Variants in KAT2B observed in about 807,000 individuals in gnomAD.
KAT2B encodes the protein histone acetyltransferase KAT2B.
Under a neutral mutation model 105.9 loss-of-function variants are expected in KAT2B, and 36 were observed. That is an observed-to-expected ratio of 0.34 (90% CI 0.26 to 0.45). The LOEUF is 0.45. Among genes scored for constraint, KAT2B ranks in the 20% least tolerant of loss-of-function variants. The pLI is 1.00. For synonymous variants in KAT2B, 397 were observed against 377.9 expected, an observed-to-expected ratio of 1.05 and a Z score of -0.59; for missense variants, 820 against 1,021.6, an observed-to-expected ratio of 0.80 and a Z score of 2.69.
intron 1 of KAT2B, among the ~76,000 whole-genome samples, chr3:20,063,143 T>C (rs1039925498): frequency 3.3e-5 from 5 of 151,924 alleles, no homozygotes; most frequent in African/African-American, 4.8e-5. Flanking sequence ...TCATGGCCCA[T>C]TGCTGCCTCG....
chr3:20,153,432 TTTCTA>T lies in KAT2B; in HGVS notation c.*909_*913del, dbSNP rs1479518878. The T allele has an allele frequency of 1.3e-5, 2 of 152,536 alleles. No homozygotes were observed. Among genetic ancestry groups the T allele is most frequent in the Non-Finnish European group, 2.9e-5 (2 of 67,980 alleles). The allele number at this position is 152,536 out of a possible 1,614,324, so 9.4% of individuals were successfully genotyped here. ...TCGTTCTAATAAAGGTTCTTTTTCT[TTTCTA>T]TGATACACACAGCCACGCTGATAAT... is the stretch of plus-strand genomic sequence containing the variant. On this transcript the variant is annotated 3_prime_UTR_variant, in exon 18 of 18. Transcript: ENST00000263754.
intron 5 of KAT2B, among the ~76,000 whole-genome samples, chr3:20,104,890 G>GTT (rs60864750): frequency 1.4e-5 from 2 of 143,624 alleles, no homozygotes; most frequent in Non-Finnish European, 3.1e-5. Flanking sequence ...TTGTTTTTTT[G>GTT]TTTTTTTTTT....
chr3:20,055,918 A>T (rs1396939852), intron 1 of KAT2B, among the ~76,000 whole-genome samples: 1 of 151,954 alleles, frequency 6.6e-6, no homozygotes, highest in Non-Finnish European at 1.5e-5. Context: ...CTGTTCTTTC[A>T]CTCAGTATAT....
intron 2 of KAT2B, among the ~76,000 whole-genome samples, chr3:20,075,791 T>C (rs1449847466): frequency 6.6e-6 from 1 of 151,128 alleles, no homozygotes; most frequent in Non-Finnish European, 1.5e-5. Flanking sequence ...CTTGAGCCTG[T>C]AATCCCAGCT....
At chr3:20,067,659 C>A (rs7633812) in intron 1 of KAT2B, among the ~76,000 whole-genome samples, 41,946 of 151,878 alleles carry the variant, frequency 0.28, 5,819 homozygotes, top group Middle Eastern at 0.3. Flanking sequence ...TGAATTCTTT[C>A]TTTATTTATT....
In KAT2B at chr3:20,093,491, T is replaced by C. The variant is rs537325719; in HGVS notation, c.431-1772T>C. Among the ~76,000 whole-genome samples, 3 of 151,558 alleles carry C rather than the reference T, an allele frequency of 2.0e-5. No individual in the cohort carries two copies. The South Asian group carries it at 6.3e-4, about 32-fold the overall frequency. On this transcript the variant is annotated intron_variant, in intron 2 of 17. Coordinates refer to ENST00000263754, the MANE Select transcript of KAT2B (RefSeq NM_003884.5). ...GCTGCTGGTAGTTGGAAACCAAGAG[T>C]TGTGGTAAGGAGGGGGGATATATAG...
chr3:20,079,971 G>A (rs79411532), intron 2 of KAT2B, among the ~76,000 whole-genome samples: 1,734 of 152,250 alleles, frequency 0.011, 35 homozygotes, highest in African/African-American at 0.039. Context: ...ACGTCCTCTG[G>A]TCATGAAATC....
intron 3 of KAT2B, among the ~76,000 whole-genome samples, chr3:20,096,219 T>C (rs1270020055): frequency 6.6e-6 from 1 of 152,164 alleles, no homozygotes; most frequent in African/African-American, 2.4e-5. Flanking sequence ...TTAGCCACTG[T>C]TACCTGTTTC....
chr3:20,061,846 T>A (rs1315314512), intron 1 of KAT2B, among the ~76,000 whole-genome samples: 4 of 126,600 alleles, frequency 3.2e-5, no homozygotes, highest in East Asian at 2.3e-4. Flanking sequence ...ATACATAAAA[T>A]ATATATAATA....
intron 1 of KAT2B, among the ~76,000 whole-genome samples, chr3:20,053,839 C>G (rs1180157976): frequency 6.6e-6 from 1 of 151,938 alleles, no homozygotes; most frequent in African/African-American, 2.4e-5. Context: ...CACTCTGTAG[C>G]CCAGGCTGGA....
At chr3:20,123,367 A>G (rs1034999656) in intron 9 of KAT2B, among the ~76,000 whole-genome samples, 1 of 152,202 alleles carries the variant, frequency 6.6e-6, no homozygotes, top group East Asian at 1.9e-4. Context: ...CCTGGTTACA[A>G]TATTTTCTAA....
intron 1 of KAT2B, among the ~76,000 whole-genome samples, chr3:20,044,777 A>G (rs1030123139): frequency 1.3e-5 from 2 of 152,112 alleles, no homozygotes; most frequent in African/African-American, 4.8e-5. Context: ...TGGTGCTTAT[A>G]TTATGATTTT....
chr3:20,044,392 G>A (rs1697769400), intron 1 of KAT2B, among the ~76,000 whole-genome samples: 1 of 151,708 alleles, frequency 6.6e-6, no homozygotes, highest in Non-Finnish European at 1.5e-5. Context: ...ACTCCAGCCT[G>A]GGTGACAGAG....
At chr3:20,063,534 CTTTTTTTTTTTTTTTTT>C (rs36058009) in intron 1 of KAT2B, among the ~76,000 whole-genome samples, 5 of 88,818 alleles carry the variant, frequency 5.6e-5, no homozygotes, top group Non-Finnish European at 6.6e-5. Flanking sequence ...GAGTAGGCCT[CTTTTTTTTTTTTTTTTT>C]TTTTTTTTTT....
intron 3 of KAT2B, among the ~76,000 whole-genome samples, chr3:20,097,838 T>A (rs1247038225): frequency 1.3e-5 from 2 of 151,882 alleles, no homozygotes; most frequent in Middle Eastern, 3.4e-3. Context: ...ATCTGGCCCA[T>A]GATTTTTTAA....
intron 3 of KAT2B, among the ~76,000 whole-genome samples, chr3:20,096,775 T>C (rs1353012132): frequency 6.6e-6 from 1 of 152,212 alleles, no homozygotes; most frequent in Non-Finnish European, 1.5e-5. Flanking sequence ...TTTCTTTGTC[T>C]GAACTTATTT....
intron 5 of KAT2B, among the ~76,000 whole-genome samples, chr3:20,105,254 G>GA (rs1271141222): frequency 2.6e-5 from 4 of 151,998 alleles, no homozygotes; most frequent in South Asian, 2.1e-4. Context: ...TGTGGTTATA[G>GA]AAAAAAATGT....
intron 5 of KAT2B, among the ~76,000 whole-genome samples, chr3:20,106,438 T>TACACACACACACACAC (rs10554524): frequency 4.8e-5 from 7 of 145,614 alleles, no homozygotes; most frequent in African/African-American, 1.7e-4. Context: ...ACACCAGAAG[T>TACACACACACACACAC]ACACACACAC....
intron 1 of KAT2B, among the ~76,000 whole-genome samples, chr3:20,071,921 G>A (rs1186502104): frequency 6.6e-6 from 1 of 152,168 alleles, no homozygotes; most frequent in African/African-American, 2.4e-5. Context: ...GATGCAGCTG[G>A]TGCCTTGGAA....
Sources: gnomAD v4.1 joint callset for allele counts (sites outside exome capture counted in the v4.1 genomes callset) on GRCh38, gnomAD v4.1.1 for gene constraint, MANE v1.5 for transcripts, NCBI Gene and HGNC (gene_info 2026-07-23, HGNC 2026-07-21) for gene names.